Variants in PDS5B observed in about 807,000 individuals in gnomAD.
The protein encoded by PDS5B is PDS5 cohesin associated factor B.
A neutral mutation model predicts 184.1 loss-of-function variants in PDS5B; 51 were observed. That is an observed-to-expected ratio of 0.28 (90% CI 0.22 to 0.35). PDS5B has a LOEUF of 0.35. Ranked by LOEUF, PDS5B falls within the 10% of genes least tolerant of loss-of-function variation. The pLI, the probability that PDS5B is intolerant of heterozygous loss-of-function variation, is 1.00. For synonymous variants in PDS5B, 566 were observed against 569.2 expected (o/e 0.99, Z 0.08); for missense variants, 1,180 against 1,723.3 (o/e 0.68, Z 5.58).
chr13:32,601,012 C>T (rs537074497), intron 1 of PDS5B, among the ~76,000 whole-genome samples: 17 of 152,250 alleles, frequency 1.1e-4, no homozygotes, highest in Admixed American at 4.6e-4. Context: ...ATTTTCTAGC[C>T]ACTTTGTAGC....
intron 10 of PDS5B, among the ~76,000 whole-genome samples, chr13:32,683,016 A>G (rs1295658465): frequency 6.7e-6 from 1 of 148,826 alleles, no homozygotes. Context: ...CTTTTAAAAA[A>G]CTTTCTTTTT....
At position 32,773,193 on chromosome 13, in the gene PDS5B, G is replaced by A; in HGVS notation, c.4177G>A (p.Val1393Ile). 2 of 1,611,084 alleles carry A rather than the reference G, an allele frequency of 1.2e-6. No individual in the cohort carries two copies. Among genetic ancestry groups the A allele is most frequent in the Non-Finnish European group, 1.7e-6 (2 of 1,178,766 alleles). The change falls in exon 34 of 35, where the codon GTA becomes ATA. Residue 1393 changes from valine (V) to isoleucine (I), a missense_variant. Transcript: ENST00000315596. The stretch of plus-strand genomic sequence containing the variant: ...TTTACATGTGTTTTACTCTAGCCGT[G>A]TAGGACGCTCCAAACAAGCAGCTAC... The part of the protein sequence containing the change: ...SPSQPKKNVR[V>I]GRSKQAATKE...
intron 7 of PDS5B, 66 bp from the exon 8 acceptor site, chr13:32,673,150 G>A (rs1950980010): frequency 2.1e-6 from 3 of 1,396,848 alleles, no homozygotes; most frequent in East Asian, 2.3e-5. Flanking sequence ...GGTCAAATAA[G>A]ATTTTAAAAC....
At chr13:32,634,583 CTT>C (rs34358183) in intron 1 of PDS5B, among the ~76,000 whole-genome samples, 66 of 138,522 alleles carry the variant, frequency 4.8e-4, no homozygotes, top group South Asian at 9.2e-4. Flanking sequence ...TTACATTTAA[CTT>C]TTTTTTTTTT....
chr13:32,706,324 A>G (rs1952013170), intron 17 of PDS5B, among the ~76,000 whole-genome samples: 1 of 149,160 alleles, frequency 6.7e-6, no homozygotes, highest in African/African-American at 2.5e-5. Flanking sequence ...ATAAATAAAT[A>G]AAATAACATA....
In PDS5B at chr13:32,735,529, A is replaced by T. The variant is rs561031865; in HGVS notation, c.2406+199A>T. 3.2e-4 allele frequency among the ~76,000 whole-genome samples: 48 copies of T among 152,336 alleles called. No individual in the cohort carries two copies. The South Asian group carries it at 9.3e-3, about 30-fold the overall frequency. ...AACATCTTTTTAGTTGAGAATAGGC[A>T]TATGACCTCAAATACATTCCTTGAT... On this transcript the variant is annotated intron_variant, in intron 21 of 34. Coordinates refer to ENST00000315596, the MANE Select transcript of PDS5B (RefSeq NM_015032.4).
chr13:32,605,780 T>C (rs897549960), intron 1 of PDS5B, among the ~76,000 whole-genome samples: 26 of 134,418 alleles, frequency 1.9e-4, no homozygotes, highest in Non-Finnish European at 3.8e-4. Flanking sequence ...ATATTTAGAA[T>C]AGTTAGCTCT....
At chr13:32,731,230 G>A (rs1157913481) in intron 19 of PDS5B, among the ~76,000 whole-genome samples, 2 of 152,064 alleles carry the variant, frequency 1.3e-5, no homozygotes, top group African/African-American at 2.4e-5. Context: ...AGTGTGATAA[G>A]CACTGGGTTG....
At chr13:32,693,250 T>C (rs1376944860) in intron 13 of PDS5B, among the ~76,000 whole-genome samples, 1 of 151,998 alleles carries the variant, frequency 6.6e-6, no homozygotes, top group African/African-American at 2.4e-5. Flanking sequence ...ATTAGTAAAG[T>C]ATAGCTATTT....
rs751798602 is a variant in PDS5B at position 32,758,112 on chromosome 13, T to A, written c.3082T>A (p.Leu1028Ile). 6.6e-7 allele frequency: 1 copy of A among 1,509,588 alleles called. No homozygotes were observed. Among genetic ancestry groups the A allele is most frequent in the East Asian group, 2.3e-5 (1 of 42,792 alleles). 93.5% of individuals were successfully genotyped at this position (1,509,588 alleles called of 1,614,324 possible). Residue 1028 changes from leucine (L) to isoleucine (I), a missense_variant, in exon 27 of 35, where the codon TTA becomes ATA. Physicochemically the swap from Leu to Ile is conservative, Grantham distance 5. Around this residue, in one of 11 missense-constraint regions of PDS5B, gnomAD observed 57 missense variants for 80.9 expected, o/e 0.70. Coordinates refer to ENST00000315596, the MANE Select transcript of PDS5B (RefSeq NM_015032.4). Reference protein sequence around the residue: ...KECLWFVLEILMAKNENNSHA... With the variant: ...KECLWFVLEIIMAKNENNSHA... ...ATGTCTTTGGTTTGTTCTGGAAATA[T>A]TAATGGCTAAAAATGAAAATAACAG...
At chr13:32,709,506 A>G (rs1410179481) in intron 18 of PDS5B, among the ~76,000 whole-genome samples, 2 of 152,144 alleles carry the variant, frequency 1.3e-5, no homozygotes, top group African/African-American at 4.8e-5. Context: ...TGATTTGGAC[A>G]TTGGAACTTT....
chr13:32,655,848 T>G (rs528029864), intron 3 of PDS5B, among the ~76,000 whole-genome samples: 2 of 152,334 alleles, frequency 1.3e-5, no homozygotes, highest in South Asian at 4.1e-4. Context: ...CATTTGTCAA[T>G]TTTTGTTTTT....
chr13:32,681,985 T>A (rs1297043783), intron 10 of PDS5B, among the ~76,000 whole-genome samples: 1 of 152,158 alleles, frequency 6.6e-6, no homozygotes, highest in Non-Finnish European at 1.5e-5. Context: ...ATTGTAATAT[T>A]TAAATGTTTG....
chr13:32,675,074 G>A (rs1305974127), intron 8 of PDS5B, among the ~76,000 whole-genome samples: 2 of 152,074 alleles, frequency 1.3e-5, no homozygotes, highest in African/African-American at 4.8e-5. Context: ...CTCTTGGCAT[G>A]GCAGGTTGTG....
chr13:32,750,438 T>C (rs1316930806), intron 24 of PDS5B, among the ~76,000 whole-genome samples: 1 of 152,202 alleles, frequency 6.6e-6, no homozygotes, highest in Non-Finnish European at 1.5e-5. Flanking sequence ...GGACTGATAC[T>C]GAGGGCGGGG....
At chr13:32,700,715 C>A (rs1434257073) in intron 16 of PDS5B, among the ~76,000 whole-genome samples, 1 of 152,042 alleles carries the variant, frequency 6.6e-6, no homozygotes, top group African/African-American at 2.4e-5. Flanking sequence ...TAGTTTCTAT[C>A]TTTAGGTAAG....
At chr13:32,658,135 A>G in intron 3 of PDS5B, 104 bp from the exon 4 acceptor site, 1 of 557,890 alleles carries the variant, frequency 1.8e-6, no homozygotes, top group Non-Finnish European at 3.2e-6. Flanking sequence ...TTTATAGTTT[A>G]TTATGATATG....
intron 18 of PDS5B, 25 bp downstream of exon 18, chr13:32,707,064 G>T: frequency 8.0e-7 from 1 of 1,244,740 alleles, no homozygotes; most frequent in Non-Finnish European, 1.2e-6. Flanking sequence ...AAAATTAAGT[G>T]CCTAATTAGA....
intron 2 of PDS5B, chr13:32,649,134 A>T (rs1480639431): frequency 5.6e-6 from 2 of 358,344 alleles, no homozygotes; most frequent in African/African-American, 4.3e-5. Flanking sequence ...GAACAAGTCT[A>T]CAATACTCAT....
Sources: gnomAD v4.1 joint callset for allele counts (sites outside exome capture counted in the v4.1 genomes callset) on GRCh38, gnomAD v4.1.1 for gene constraint, gnomAD v4.1.1 regional missense constraint, MANE v1.5 for transcripts, NCBI Gene and HGNC (gene_info 2026-07-23, HGNC 2026-07-21) for gene names.